The following SLC35H1 variants were observed in gnomAD, a reference collection of about 807,000 sequenced individuals.
The protein encoded by SLC35H1 is ovarian cancer-overexpressed gene 1 protein.
the SLC35H1 span, chr20:46,357,745 A>G: frequency 6.2e-7 from 1 of 1,614,084 alleles, no homozygotes; most frequent in Non-Finnish European, 8.5e-7. Flanking sequence ...CAGGTGCAGC[A>G]TCGTCATGAA....
chr20:46,360,552 T>C, the SLC35H1 span, among the ~76,000 whole-genome samples: 3 of 32 alleles, frequency 0.094, no homozygotes, highest in Admixed American at 0.5. Flanking sequence ...TTTTATTTTA[T>C]TTTTTTTTTG....
chr20:46,358,434 A>G, the SLC35H1 span: 4 of 1,614,102 alleles, frequency 2.5e-6, no homozygotes, highest in Middle Eastern at 1.6e-4. Flanking sequence ...GAGAAGCAGT[A>G]GTAGAGAAGC....
chr20:46,355,738 G>C, the SLC35H1 span: 3 of 1,610,346 alleles, frequency 1.9e-6, no homozygotes, highest in Non-Finnish European at 1.7e-6. The surrounding 1 kb of genome is among the most constrained non-coding windows in gnomAD (Gnocchi z 4.8). Context: ...CCACTGCTCA[G>C]ACTCCCACTT....
chr20:46,360,202 C>T, the SLC35H1 span, among the ~76,000 whole-genome samples: 1 of 152,152 alleles, frequency 6.6e-6, no homozygotes, highest in Non-Finnish European at 1.5e-5. Flanking sequence ...GCAGTGTTTC[C>T]ATGGTTCTGC....
chr20:46,362,845 C>A, the SLC35H1 span, among the ~76,000 whole-genome samples: 1 of 152,240 alleles, frequency 6.6e-6, no homozygotes, highest in Non-Finnish European at 1.5e-5. Context: ...CGGCTCACCG[C>A]AAACTCCGCC....
At chr20:46,347,892 G>A in the SLC35H1 span, 1 of 152,278 alleles carries the variant, frequency 6.6e-6, no homozygotes, top group African/African-American at 2.4e-5. Flanking sequence ...CCCTGGGAGA[G>A]GTGGTGGGCA....
the SLC35H1 span, chr20:46,349,443 C>T: frequency 6.6e-6 from 1 of 152,266 alleles, no homozygotes; most frequent in African/African-American, 2.4e-5. Context: ...CACAGACGTA[C>T]ACAGACTTGG....
the SLC35H1 span, chr20:46,346,319 G>A: frequency 6.6e-6 from 1 of 152,358 alleles, no homozygotes; most frequent in East Asian, 1.9e-4. Context: ...GCTGATGTCA[G>A]GGCTGTGCAG....
the SLC35H1 span, among the ~76,000 whole-genome samples, chr20:46,353,557 A>C: frequency 6.2e-3 from 941 of 152,310 alleles, 8 homozygotes; most frequent in African/African-American, 0.021. Flanking sequence ...CCCCAGGCAA[A>C]ACAGCCTCAC....
chr20:46,353,626 T>C, the SLC35H1 span, among the ~76,000 whole-genome samples: 1 of 152,152 alleles, frequency 6.6e-6, no homozygotes, highest in Non-Finnish European at 1.5e-5. Context: ...GTCGGCAAAT[T>C]GAAGGGAATT....
At chr20:46,355,804 G>C in the SLC35H1 span, 5 of 1,614,108 alleles carry the variant, frequency 3.1e-6, no homozygotes, top group Non-Finnish European at 3.4e-6. The surrounding 1 kb of genome is among the most constrained non-coding windows in gnomAD (Gnocchi z 4.8). Flanking sequence ...GGCCTCACCA[G>C]CTCCTCCAGC....
chr20:46,350,070 A>G, the SLC35H1 span: 1 of 201,826 alleles, frequency 5.0e-6, no homozygotes, highest in Admixed American at 5.8e-5. Flanking sequence ...TCCCTTTAGA[A>G]AGCTGCTGTG....
At chr20:46,346,187 T>C in the SLC35H1 span, 1 of 148,466 alleles carries the variant, frequency 6.7e-6, no homozygotes, top group Non-Finnish European at 1.5e-5. Context: ...AGCAGGATGG[T>C]GGTGGGACTG....
the SLC35H1 span, chr20:46,352,202 T>A: frequency 1.2e-5 from 20 of 1,614,070 alleles, no homozygotes; most frequent in Non-Finnish European, 1.6e-5. Context: ...ACGGAAGATT[T>A]TCTCAGATGT....
the SLC35H1 span, among the ~76,000 whole-genome samples, chr20:46,353,949 G>T: frequency 6.6e-6 from 1 of 152,130 alleles, no homozygotes; most frequent in Admixed American, 6.5e-5. Flanking sequence ...TTCACTGCTT[G>T]AAACTTAAAT....
the SLC35H1 span, among the ~76,000 whole-genome samples, chr20:46,353,496 T>C: frequency 6.6e-6 from 1 of 151,814 alleles, no homozygotes; most frequent in Non-Finnish European, 1.5e-5. Context: ...GCTGGACGAG[T>C]ATTTTGAGAT....
At chr20:46,358,931 A>G in the SLC35H1 span, 2 of 623,684 alleles carry the variant, frequency 3.2e-6, no homozygotes, top group South Asian at 1.8e-5. Context: ...ACCTCAAGCT[A>G]TTCTCCATGA....
chr20:46,352,250 TGG>T, the SLC35H1 span: 1 of 1,611,364 alleles, frequency 6.2e-7, no homozygotes, highest in Non-Finnish European at 8.5e-7. Context: ...GGAGAGAGAG[TGG>T]GAGGCCGGGT....
At chr20:46,362,393 T>C in the SLC35H1 span, among the ~76,000 whole-genome samples, 1 of 152,138 alleles carries the variant, frequency 6.6e-6, no homozygotes, top group Non-Finnish European at 1.5e-5. Context: ...GGCTGGTGCA[T>C]CACTGGCACA....
Sources: gnomAD v4.1 joint callset for allele counts (sites outside exome capture counted in the v4.1 genomes callset) on GRCh38, gnomAD v4.1.1 for gene constraint, Gnocchi (gnomAD v3.1) non-coding constraint, MANE v1.5 for transcripts, NCBI Gene and HGNC (gene_info 2026-07-23, HGNC 2026-07-21) for gene names.